MXRA5: variants seen among roughly 807,000 people sequenced by gnomAD.
The protein encoded by MXRA5 is matrix remodeling associated 5, also known as matrix-remodeling-associated protein 5.
Under a neutral mutation model 112.5 loss-of-function variants are expected in MXRA5, and 41 were observed. The observed-to-expected ratio is 0.36, with a 90% CI of 0.28 to 0.47. The LOEUF (loss-of-function observed/expected upper bound fraction) is 0.47, where lower values mean the gene tolerates loss of function less well. MXRA5 is among the 20% of genes least tolerant of loss of function. MXRA5 has a pLI of 0.99. For synonymous variants in MXRA5, 862 were observed against 900.8 expected, an observed-to-expected ratio of 0.96 and a Z score of 0.77; for missense variants, 2,150 against 2,251.0, an observed-to-expected ratio of 0.96 and a Z score of 0.91.
At chrX:3,311,763 G>T in intron 6 of MXRA5, 139 bp from the exon 7 acceptor site, 2 of 503,508 alleles carry the variant, frequency 4.0e-6, no homozygotes, top group Non-Finnish European at 6.5e-6. Flanking sequence ...ATGCCCAGTG[G>T]TTTTTACAGC....
rs746450144 is a variant in MXRA5 at position 3,311,474 on chromosome X, G to A, written c.6729C>T (p.Ala2243=). The A allele has an allele frequency of 1.3e-5, 16 of 1,209,642 alleles. No individual in the cohort carries two copies. The highest frequency in any genetic ancestry group is 1.7e-5 in the Non-Finnish European group (15 of 895,205). Residue 2243 remains alanine (A), a synonymous_variant, in exon 7 of 7, where the codon GCC becomes GCT. Transcript: ENST00000217939. ...CGTTCTCCTCCTTGTGTTCAATCTT[G>A]GCCGGTTTCATCACCACATCCACTT... ...VLKVDVVMKP[A]KIEHKEENDH...
intron 2 of MXRA5, among the ~76,000 whole-genome samples, chrX:3,338,032 G>T (rs1921819905): frequency 9.0e-6 from 1 of 111,467 alleles, no homozygotes; most frequent in Non-Finnish European, 1.9e-5. Flanking sequence ...AGACCAAGAT[G>T]GAGACCCATG....
At chrX:3,341,014 C>CATTATATATATATA (rs1921908308) in intron 2 of MXRA5, among the ~76,000 whole-genome samples, 1 of 67,832 alleles carries the variant, frequency 1.5e-5, no homozygotes, top group Non-Finnish European at 2.7e-5. Flanking sequence ...ATATATTATA[C>CATTATATATATATA]ATGATATATA....
chrX:3,315,373 A>ATGATGG (rs774517413), intron 6 of MXRA5, among the ~76,000 whole-genome samples: 2 of 48,220 alleles, frequency 4.1e-5, no homozygotes, highest in Admixed American at 2.3e-4. Flanking sequence ...AGATAGATAG[A>ATGATGG]ATAGATAGAT....
rs145315735 is a variant in MXRA5 at position 3,311,941 on chromosome X, G to A, written c.6579-317C>T. 1.2e-4 allele frequency among the ~76,000 whole-genome samples: 14 copies of A among 112,570 alleles called. No homozygotes were observed. In the East Asian group the frequency reaches 3.9e-3, roughly 31 times the overall value. On this transcript the variant is annotated intron_variant, in intron 6 of 6. Transcript: ENST00000217939. ...GTATTTGCATGGTGGTCATTACAGA[G>A]GTCATTGTAACAACAAAATCAGATA...
Position 3,317,951 on chromosome X carries a change from G to C in MXRA5, c.5730C>G (p.Asn1910Lys), listed in dbSNP as rs767659217. The C allele has an allele frequency of 8.3e-7, 1 of 1,206,835 alleles. No homozygotes were observed. Among genetic ancestry groups the C allele is most frequent in the Non-Finnish European group, 1.1e-6 (1 of 893,790 alleles). Residue 1910 changes from asparagine to lysine, a missense_variant, in exon 6 of 7, where the codon AAC becomes AAG. This residue lies in a region of MXRA5 where 1,485 missense variants were observed against 1,471.6 expected (regional missense o/e 1.01). Coordinates refer to ENST00000217939, the MANE Select transcript of MXRA5 (RefSeq NM_015419.4). ...TRIQRFEVLKNGTLVIRKVQV... is the reference protein window; with the variant it reads ...TRIQRFEVLKKGTLVIRKVQV... The stretch of plus-strand genomic sequence containing the variant: ...GAACCTTCCGTATCACTAAGGTACC[G>C]TTCTTGAGAACCTCAAACCGTTGTA...
rs1922116556 is a variant in MXRA5 at position 3,346,627 on chromosome X, G to C, written c.-141C>G. 2 of 695,243 alleles carry C rather than the reference G, an allele frequency of 2.9e-6. No individual in the cohort carries two copies. The highest frequency in any genetic ancestry group is 1.7e-4 in the Admixed American group (2 of 11,584). The allele number at this position is 695,243 out of a possible 1,213,427, so 57.3% of individuals were successfully genotyped here. The stretch of plus-strand genomic sequence containing the variant: ...CGGGGCCATGCCCTTCCCGGGGCCG[G>C]GGGTGAGGCAGCTCGGCTTCCCAGC... On this transcript the variant is annotated 5_prime_UTR_variant, in exon 1 of 7. Transcript: ENST00000217939.
rs746760084 is a variant in MXRA5 at position 3,330,423 on chromosome X, G to GAAAAC, written c.319-20_319-16dup. ...AACTTGAAAACCTGCAAGGACAGGG[G>GAAAAC]AAAACAAAACAAAACAAAAGGATCC... is the stretch of plus-strand genomic sequence containing the variant. On this transcript the variant is annotated splice_polypyrimidine_tract_variant and intron_variant, in intron 3 of 6. Coordinates refer to ENST00000217939, the MANE Select transcript of MXRA5 (RefSeq NM_015419.4). The GAAAAC allele has an allele frequency of 1.4e-5, 16 of 1,172,833 alleles. No homozygotes were observed. Among genetic ancestry groups the GAAAAC allele is most frequent in the South Asian group, 2.0e-5 (1 of 50,322 alleles).
chrX:3,315,837 G>A (rs1360624771), intron 6 of MXRA5, among the ~76,000 whole-genome samples: 10 of 110,046 alleles, frequency 9.1e-5, no homozygotes, highest in Non-Finnish European at 1.3e-4. Context: ...AGCCTAACAC[G>A]TCTATGTATT....
chrX:3,337,561 C>T (rs1279500163), intron 2 of MXRA5, among the ~76,000 whole-genome samples: 1 of 112,048 alleles, frequency 8.9e-6, no homozygotes, highest in East Asian at 2.8e-4. Context: ...ATCCATCTAT[C>T]ATCCTATCAT....
rs772015757 is a variant in MXRA5 at position 3,320,001 on chromosome X, A to G, written c.5677+7T>C. Reference sequence around the variant, plus strand: ...AAAAAAAAAAAGTAGATGCTTAAACATCTTACCTGTGGAAACCTTTGTCCA... The same window carrying G: ...AAAAAAAAAAAGTAGATGCTTAAACGTCTTACCTGTGGAAACCTTTGTCCA... On this transcript the variant is annotated splice_region_variant and intron_variant, in intron 5 of 6. Coordinates refer to ENST00000217939, the MANE Select transcript of MXRA5 (RefSeq NM_015419.4). 3 of 1,173,828 alleles carry G rather than the reference A, an allele frequency of 2.6e-6. No individual in the cohort carries two copies. In the South Asian group the frequency reaches 5.8e-5, roughly 23 times the overall value.
At chrX:3,336,219 A>G (rs1477497920) in intron 2 of MXRA5, among the ~76,000 whole-genome samples, 1 of 111,836 alleles carries the variant, frequency 8.9e-6, no homozygotes, top group Non-Finnish European at 1.9e-5. Context: ...CCCAGATGGA[A>G]CTGTCTAGTT....
At position 3,324,699 on chromosome X, in the gene MXRA5, A is replaced by C. The variant is rs759656867; in HGVS notation, c.986T>G (p.Met329Arg). 1 of 1,210,631 alleles carries C rather than the reference A, an allele frequency of 8.3e-7. No individual in the cohort carries two copies. The highest frequency in any genetic ancestry group is 2.3e-4 in the Middle Eastern group (1 of 4,350). ...SLNMTDEHGN[M>R]VNLVCDIKKP... ...CTTGATGTCACAGACCAAGTTCACC[A>C]TGTTCCCGTGCTCGTCGGTCATATT... Residue 329 changes from methionine (M) to arginine (R), a missense_variant, in exon 5 of 7, where the codon ATG becomes AGG. This residue lies in a region of MXRA5 where 386 missense variants were observed against 411.0 expected (regional missense o/e 0.94). Coordinates refer to ENST00000217939, the MANE Select transcript of MXRA5 (RefSeq NM_015419.4).
intron 1 of MXRA5, among the ~76,000 whole-genome samples, chrX:3,346,218 A>G (rs1922104797): frequency 9.0e-6 from 1 of 111,329 alleles, no homozygotes; most frequent in Non-Finnish European, 1.9e-5. Context: ...AGGGATGGGG[A>G]GCGCTTTGGG....
Position 3,310,974 on chromosome X carries a change from C to A in MXRA5, c.7229G>T (p.Arg2410Leu). The change falls in exon 7 of 7, where the codon CGT (arginine) becomes CTT (leucine). Residue 2410 changes from arginine (R) to leucine (L), a missense_variant. Physicochemically the swap from Arg to Leu is moderately radical, Grantham distance 102. Transcript: ENST00000217939. ...DGTLLIQKAQ[R>L]SDSGNYTCLV... The stretch of plus-strand genomic sequence containing the variant: ...GCAGGTGTAGTTGCCGCTGTCAGAA[C>A]GCTGGGCTTTCTGAATAAGGAGAGT... The A allele has an allele frequency of 2.5e-6, 3 of 1,211,549 alleles. No individual in the cohort carries two copies. Among genetic ancestry groups the A allele is most frequent in the Non-Finnish European group, 1.1e-6 (1 of 895,511 alleles).
intron 4 of MXRA5, among the ~76,000 whole-genome samples, chrX:3,327,824 C>T (rs1227283487): frequency 3.5e-5 from 4 of 113,016 alleles, no homozygotes; most frequent in Admixed American, 1.9e-4. Context: ...GAAATGCTCA[C>T]TATATAAAAC....
At chrX:3,345,839 G>A (rs184030420) in intron 1 of MXRA5, among the ~76,000 whole-genome samples, 1 of 112,901 alleles carries the variant, frequency 8.9e-6, no homozygotes, top group Non-Finnish European at 1.9e-5. Context: ...TGAATTACGA[G>A]CTTTCCCGGA....
rs1569180256 is a variant in MXRA5 at position 3,310,869 on chromosome X, T to A, written c.7334A>T (p.Asn2445Ile). ...CCGCACAGTGGTGATGGGGTTGGGGTTACCGTTGATCTTGGGTGGCTGGAC... is the reference window on the plus strand; with the variant it reads ...CCGCACAGTGGTGATGGGGTTGGGGATACCGTTGATCTTGGGTGGCTGGAC... Reference protein sequence around the residue: ...VNVQPPKINGNPNPITTVREI... With the variant: ...VNVQPPKINGIPNPITTVREI... Residue 2445 changes from asparagine (N) to isoleucine (I), a missense_variant, in exon 7 of 7, where the codon AAC (asparagine) becomes ATC (isoleucine). Physicochemically the swap from Asn to Ile is moderately radical, Grantham distance 149. This residue lies in a region of MXRA5 where 93 missense variants were observed against 135.5 expected (regional missense o/e 0.69). Transcript: ENST00000217939. 1 of 1,210,709 alleles carries A rather than the reference T, an allele frequency of 8.3e-7. No individual in the cohort carries two copies. The highest frequency in any genetic ancestry group is 1.1e-6 in the Non-Finnish European group (1 of 895,211).
At chrX:3,314,143 T>C (rs1921032438) in intron 6 of MXRA5, among the ~76,000 whole-genome samples, 1 of 112,419 alleles carries the variant, frequency 8.9e-6, no homozygotes, top group Admixed American at 9.4e-5. Flanking sequence ...GTGAATTTAG[T>C]TGGACTCCAT....
Sources: gnomAD v4.1 joint callset for allele counts (sites outside exome capture counted in the v4.1 genomes callset) on GRCh38, gnomAD v4.1.1 for gene constraint, gnomAD v4.1.1 regional missense constraint, MANE v1.5 for transcripts, NCBI Gene and HGNC (gene_info 2026-07-23, HGNC 2026-07-21) for gene names.